GALNT13: variants seen among roughly 807,000 people sequenced by gnomAD.
The protein encoded by GALNT13 is UDP-GalNAc:polypeptide N-acetylgalactosaminyltransferase 13.
In GALNT13, 28 loss-of-function variants were observed where a neutral mutation model predicts 64.2. The ratio of observed to expected loss-of-function variants is 0.44; its 90% confidence interval spans 0.32 to 0.60. The LOEUF (loss-of-function observed/expected upper bound fraction) is 0.60, where lower values mean the gene tolerates loss of function less well. Ranked by LOEUF, GALNT13 falls within the 20% of genes least tolerant of loss-of-function variation. The pLI, the probability that GALNT13 is intolerant of heterozygous loss-of-function variation, is 0.05. For missense variants in GALNT13, 577 were observed against 669.8 expected, an observed-to-expected ratio of 0.86 and a Z score of 1.53; for synonymous variants, 214 against 224.6, an observed-to-expected ratio of 0.95 and a Z score of 0.42.
chr2:153,579,375 T>G, the GALNT13 span, among the ~76,000 whole-genome samples: 1 of 152,138 alleles, frequency 6.6e-6, no homozygotes. Flanking sequence ...GCTATAAAAC[T>G]TATTGTTAAG....
chr2:153,961,752 T>A (rs1692959331), intron 3 of GALNT13, among the ~76,000 whole-genome samples: 1 of 152,320 alleles, frequency 6.6e-6, no homozygotes, highest in Admixed American at 6.5e-5. Flanking sequence ...CTTGATTGAT[T>A]AGAGAGTGGG....
the GALNT13 span, among the ~76,000 whole-genome samples, chr2:153,728,521 A>G: frequency 6.6e-6 from 1 of 152,334 alleles, no homozygotes; most frequent in Non-Finnish European, 1.5e-5. Flanking sequence ...TTGTAGCGCT[A>G]AATGCCCATA....
the GALNT13 span, among the ~76,000 whole-genome samples, chr2:153,289,465 G>T: frequency 6.6e-6 from 1 of 152,142 alleles, no homozygotes. Flanking sequence ...AGACTCAGAT[G>T]GTTTTTGTAA....
At chr2:154,356,488 G>T (rs1030961409) in intron 9 of GALNT13, among the ~76,000 whole-genome samples, 18 of 151,394 alleles carry the variant, frequency 1.2e-4, no homozygotes, top group Admixed American at 1.1e-3. Context: ...AAATTGTATA[G>T]GGTGGATGTC....
intron 8 of GALNT13, chr2:154,286,588 C>A: frequency 4.6e-6 from 1 of 216,148 alleles, no homozygotes. Flanking sequence ...CAGAAGGAAA[C>A]ATGGCTGCCA....
intron 3 of GALNT13, among the ~76,000 whole-genome samples, chr2:154,027,703 A>C (rs1055608893): frequency 6.6e-6 from 1 of 152,180 alleles, no homozygotes; most frequent in Non-Finnish European, 1.5e-5. Flanking sequence ...GAATGTTAGG[A>C]AAATATTTAC....
chr2:153,754,123 C>A, the GALNT13 span, among the ~76,000 whole-genome samples: 2 of 151,852 alleles, frequency 1.3e-5, no homozygotes, highest in Non-Finnish European at 2.9e-5. Context: ...TGGCCCAGTG[C>A]AGATTCAGAA....
At chr2:154,104,496 A>G (rs552452727) in intron 3 of GALNT13, among the ~76,000 whole-genome samples, 2 of 152,190 alleles carry the variant, frequency 1.3e-5, no homozygotes, top group African/African-American at 2.4e-5. Context: ...GGCTACATCC[A>G]TAGCATGGAC....
the GALNT13 span, among the ~76,000 whole-genome samples, chr2:153,255,298 C>CT: frequency 7.1e-6 from 1 of 140,200 alleles, no homozygotes; most frequent in South Asian, 2.3e-4. Flanking sequence ...CAACCCCTGC[C>CT]TTTTTTTGTT....
At chr2:154,344,346 T>C (rs1446210564) in intron 9 of GALNT13, among the ~76,000 whole-genome samples, 1 of 94,534 alleles carries the variant, frequency 1.1e-5, no homozygotes, top group Non-Finnish European at 2.9e-5. Flanking sequence ...ATCTTCCAAC[T>C]AACAAATAAC....
the GALNT13 span, among the ~76,000 whole-genome samples, chr2:153,648,752 A>G: frequency 1.4e-5 from 2 of 138,032 alleles, no homozygotes; most frequent in Non-Finnish European, 3.1e-5. Flanking sequence ...GGTTCTGTTT[A>G]TATGCTGGAT....
the GALNT13 span, among the ~76,000 whole-genome samples, chr2:153,117,698 C>T: frequency 6.6e-6 from 1 of 152,278 alleles, no homozygotes; most frequent in East Asian, 1.9e-4. Context: ...TCCAAAGATA[C>T]TCAAATAGGC....
chr2:153,218,501 T>G, the GALNT13 span, among the ~76,000 whole-genome samples: 1 of 152,188 alleles, frequency 6.6e-6, no homozygotes, highest in Non-Finnish European at 1.5e-5. Flanking sequence ...TTCCTTCCCA[T>G]CCCAAGGCTA....
At chr2:154,140,033 G>A (rs897591380) in intron 3 of GALNT13, among the ~76,000 whole-genome samples, 4 of 151,946 alleles carry the variant, frequency 2.6e-5, no homozygotes, top group Non-Finnish European at 4.4e-5. Context: ...TTCAACTTCA[G>A]TTTTCTCTAA....
At chr2:153,580,560 G>A in the GALNT13 span, among the ~76,000 whole-genome samples, 1 of 152,150 alleles carries the variant, frequency 6.6e-6, no homozygotes, top group Non-Finnish European at 1.5e-5. Context: ...AGTGACACAT[G>A]AGGATGGAGA....
At chr2:153,990,313 C>T (rs549565359) in intron 3 of GALNT13, among the ~76,000 whole-genome samples, 1 of 152,082 alleles carries the variant, frequency 6.6e-6, no homozygotes, top group East Asian at 1.9e-4. Context: ...CGCAGAAGAC[C>T]AACAGAGAAG....
At chr2:153,292,784 A>G in the GALNT13 span, among the ~76,000 whole-genome samples, 1 of 152,210 alleles carries the variant, frequency 6.6e-6, no homozygotes, top group Non-Finnish European at 1.5e-5. Flanking sequence ...CAAAAATTAC[A>G]GAAAGAAGAA....
At chr2:153,132,118 A>C in the GALNT13 span, among the ~76,000 whole-genome samples, 1 of 152,218 alleles carries the variant, frequency 6.6e-6, no homozygotes, top group Non-Finnish European at 1.5e-5. Context: ...AGAACCCACA[A>C]AAGAAATTGC....
At chr2:153,790,411 T>TA in the GALNT13 span, among the ~76,000 whole-genome samples, 37,735 of 152,002 alleles carry the variant, frequency 0.25, 6,115 homozygotes, top group Middle Eastern at 0.45. Context: ...GGCTTTATGT[T>TA]AAAAAACTGT....
Sources: gnomAD v4.1 joint callset for allele counts (sites outside exome capture counted in the v4.1 genomes callset) on GRCh38, gnomAD v4.1.1 for gene constraint, MANE v1.5 for transcripts, NCBI Gene and HGNC (gene_info 2026-07-23, HGNC 2026-07-21) for gene names.